Variants in MOB4 observed in about 807,000 individuals in gnomAD.
The protein encoded by MOB4 is MOB family member 4, phocein, also known as MOB-like protein phocein.
A neutral mutation model predicts 32.2 loss-of-function variants in MOB4; 4 were observed. The ratio of observed to expected loss-of-function variants is 0.12; its 90% CI spans 0.06 to 0.28. The LOEUF (loss-of-function observed/expected upper bound fraction) is 0.28. Among genes scored for constraint, MOB4 ranks in the 10% least tolerant of loss-of-function variants. The pLI, the probability that MOB4 is intolerant of heterozygous loss-of-function variation, is 1.00. For synonymous variants in MOB4, 88 were observed against 88.1 expected, an observed-to-expected ratio of 1.00 and a Z score of 0.01; for missense variants, 158 against 271.2, an observed-to-expected ratio of 0.58 and a Z score of 2.93.
chr2:197,535,464 T>TGTAC, intron 2 of MOB4, 66 bp from the exon 3 acceptor site: 2 of 1,439,932 alleles, frequency 1.4e-6, no homozygotes, highest in Non-Finnish European at 1.9e-6. Flanking sequence ...ACAAATTATA[T>TGTAC]GTACTTAACA....
At chr2:197,539,832 T>C (rs2106127986) in intron 3 of MOB4, among the ~76,000 whole-genome samples, 1 of 152,370 alleles carries the variant, frequency 6.6e-6, no homozygotes, top group Non-Finnish European at 1.5e-5. Flanking sequence ...TTGGTAAATA[T>C]TTCCAAATTA....
intron 1 of MOB4, among the ~76,000 whole-genome samples, chr2:197,521,865 TGCTCTACA>T (rs1348624798): frequency 1.3e-5 from 2 of 152,182 alleles, no homozygotes; most frequent in Non-Finnish European, 2.9e-5. Context: ...CAAACACACA[TGCTCTACA>T]GTTTGTGCAG....
chr2:197,543,052 G>C (rs1366025486), intron 5 of MOB4, among the ~76,000 whole-genome samples: 3 of 152,138 alleles, frequency 2.0e-5, no homozygotes, highest in Non-Finnish European at 4.4e-5. Context: ...AGCACTTTGG[G>C]AGGCCGAGGC....
At position 197,519,021 on chromosome 2, in the gene MOB4, G is replaced by C. The variant is rs939330176; in HGVS notation, c.60+2875G>C. ...GATCCGCCCGTCTCGGCCTCTGAAA[G>C]TGCTGGGATTACAGGCATGAGCCAC... is the stretch of plus-strand genomic sequence containing the variant. On this transcript the variant is annotated intron_variant, in intron 1 of 7. Transcript: ENST00000323303. Among the ~76,000 whole-genome samples the C allele has an allele frequency of 7.9e-5, 12 of 151,886 alleles. No homozygotes were observed. The South Asian group carries it at 2.5e-3, about 32-fold the overall frequency.
intron 2 of MOB4, 31 bp downstream of exon 2, chr2:197,523,717 T>A (rs761295048): frequency 6.3e-7 from 1 of 1,586,664 alleles, no homozygotes; most frequent in Non-Finnish European, 8.6e-7. Flanking sequence ...TCACCCTGTG[T>A]CTTTTGGAGT....
intron 1 of MOB4, among the ~76,000 whole-genome samples, chr2:197,520,618 A>AG: frequency 6.6e-6 from 1 of 152,166 alleles, no homozygotes; most frequent in Admixed American, 6.5e-5. Flanking sequence ...AAGATGTGTC[A>AG]GGCATTGTGC....
chr2:197,546,394 AAGTT>A (rs1461837941), intron 5 of MOB4, among the ~76,000 whole-genome samples: 1 of 150,290 alleles, frequency 6.7e-6, no homozygotes, highest in Non-Finnish European at 1.5e-5. Flanking sequence ...ATCTCTTAGA[AAGTT>A]AATTAATTAA....
At position 197,540,160 on chromosome 2, in the gene MOB4, TTTTC is replaced by T; in HGVS notation, c.267+11_267+14del. 1 of 1,604,904 alleles carries T rather than the reference TTTTC, an allele frequency of 6.2e-7. No homozygotes were observed. Among genetic ancestry groups the T allele is most frequent in the Non-Finnish European group, 8.5e-7 (1 of 1,175,480 alleles). ...ACTTGCTGTCAAACTTCAGGTAATATTTTCTTTAAGTCAAAGTTATAATTGAAAG... is the reference window on the plus strand; with the variant it reads ...ACTTGCTGTCAAACTTCAGGTAATATTTTAAGTCAAAGTTATAATTGAAAG... On this transcript the variant is annotated splice_region_variant and intron_variant, in intron 4 of 7. Transcript: ENST00000323303.
chr2:197,527,480 G>T (rs1382074030), intron 2 of MOB4, among the ~76,000 whole-genome samples: 1 of 152,100 alleles, frequency 6.6e-6, no homozygotes, highest in South Asian at 2.1e-4. Flanking sequence ...ATTTTTATGT[G>T]TTCATCTTGT....
chr2:197,531,058 T>TA (rs1559317989), intron 2 of MOB4, among the ~76,000 whole-genome samples: 4 of 151,076 alleles, frequency 2.6e-5, no homozygotes, highest in African/African-American at 9.7e-5. Context: ...TTTTTATTTT[T>TA]TTTTTTTGAG....
chr2:197,525,175 C>A (rs189153448), intron 2 of MOB4, among the ~76,000 whole-genome samples: 138 of 151,962 alleles, frequency 9.1e-4, no homozygotes, highest in African/African-American at 3.3e-3. Context: ...GAAACCCCAT[C>A]TCTTACTAAA....
In MOB4 at chr2:197,553,005, A is replaced by G. The variant is rs1323839402; in HGVS notation, c.*2359A>G. 1.3e-5 allele frequency: 2 copies of G among 152,136 alleles called. No individual in the cohort carries two copies. Among genetic ancestry groups the G allele is most frequent in the Admixed American group, 1.3e-4 (2 of 15,284 alleles). The allele number at this position is 152,136 out of a possible 1,614,324, so 9.4% of individuals were successfully genotyped here. On this transcript the variant is annotated 3_prime_UTR_variant, in exon 8 of 8. Coordinates refer to ENST00000323303, the MANE Select transcript of MOB4 (RefSeq NM_015387.5). Reference sequence around the variant, plus strand: ...GAAAGTAGCTAACTTTTAACTATTTATGTTCCCATAAGTAACCCTTCTTTT... The same window carrying G: ...GAAAGTAGCTAACTTTTAACTATTTGTGTTCCCATAAGTAACCCTTCTTTT...
intron 5 of MOB4, among the ~76,000 whole-genome samples, chr2:197,543,079 G>A (rs765665175): frequency 3.3e-5 from 5 of 152,250 alleles, no homozygotes; most frequent in Admixed American, 6.5e-5. Flanking sequence ...GTCACCTGAG[G>A]TCAGGAGTTC....
At chr2:197,543,312 G>T (rs2086931310) in intron 5 of MOB4, among the ~76,000 whole-genome samples, 1 of 151,970 alleles carries the variant, frequency 6.6e-6, no homozygotes, top group South Asian at 2.1e-4. Flanking sequence ...ATTCAGAAAT[G>T]GCCAGTAAGC....
At chr2:197,540,922 G>A (rs1311148369) in intron 5 of MOB4, among the ~76,000 whole-genome samples, 1 of 149,370 alleles carries the variant, frequency 6.7e-6, no homozygotes, top group Non-Finnish European at 1.5e-5. Context: ...TTTTTTTTGA[G>A]ATGGATTCTT....
chr2:197,523,609 A>T lies in MOB4; in HGVS notation c.61-15A>T, dbSNP rs767505239. The T allele has an allele frequency of 6.2e-7, 1 of 1,606,990 alleles. No individual in the cohort carries two copies. The highest frequency in any genetic ancestry group is 2.2e-5 in the East Asian group (1 of 44,668). ...GTATTTTGTATGTGCTTTAACCGTG[A>T]ATTTATTTTTATAGGATTTCTATAA... On this transcript the variant is annotated splice_polypyrimidine_tract_variant and intron_variant, in intron 1 of 7. Transcript: ENST00000323303.
chr2:197,535,380 C>A, intron 2 of MOB4, 150 bp from the exon 3 acceptor site: 1 of 550,158 alleles, frequency 1.8e-6, no homozygotes, highest in Non-Finnish European at 2.9e-6. Flanking sequence ...TTCTTAGTTA[C>A]TGATTATGAT....
At position 197,551,767 on chromosome 2, in the gene MOB4, CA is replaced by C. The variant is rs1033117136; in HGVS notation, c.*1122del. The C allele has an allele frequency of 1.6e-4, 25 of 152,232 alleles. No homozygotes were observed. Among genetic ancestry groups the C allele is most frequent in the Non-Finnish European group, 3.4e-4 (23 of 68,002 alleles). 9.4% of individuals were successfully genotyped at this position (152,232 alleles called of 1,614,324 possible). A position where few individuals can be genotyped will look rare whatever the true frequency, so the allele number is the denominator to read the frequency against. Reference sequence around the variant, plus strand: ...CCAAGGGTGTTGATGAATAGTCATACATTTTTTTGGACTTTGTTATAATTCA... The same window carrying C: ...CCAAGGGTGTTGATGAATAGTCATACTTTTTTTGGACTTTGTTATAATTCA... On this transcript the variant is annotated 3_prime_UTR_variant, in exon 8 of 8. Transcript: ENST00000323303.
intron 5 of MOB4, among the ~76,000 whole-genome samples, chr2:197,546,088 G>T (rs1402878188): frequency 6.6e-6 from 1 of 152,076 alleles, no homozygotes; most frequent in South Asian, 2.1e-4. Flanking sequence ...TTGAGACGGA[G>T]TCTCACACTC....
Sources: gnomAD v4.1 joint callset for allele counts (sites outside exome capture counted in the v4.1 genomes callset) on GRCh38, gnomAD v4.1.1 for gene constraint, MANE v1.5 for transcripts, NCBI Gene and HGNC (gene_info 2026-07-23, HGNC 2026-07-21) for gene names.